Variants in VPS26C observed in about 807,000 individuals in gnomAD.
VPS26C encodes vacuolar protein sorting-associated protein 26C.
Under a neutral mutation model 30.6 loss-of-function variants are expected in VPS26C, and 19 were observed. The ratio of observed to expected loss-of-function variants is 0.62; its 90% CI spans 0.43 to 0.91. The LOEUF is 0.91. Ranked by LOEUF, VPS26C falls within the 40% of genes least tolerant of loss-of-function variation. The pLI is 0.00. For missense variants in VPS26C, 318 were observed against 385.1 expected (o/e 0.83, Z 1.46); for synonymous variants, 132 against 151.5 (o/e 0.87, Z 0.95).
chr21:37,238,348 A>G (rs920132498), intron 3 of VPS26C, 112 bp downstream of exon 3: 2 of 1,267,326 alleles, frequency 1.6e-6, no homozygotes, highest in African/African-American at 3.0e-5. Context: ...GGTCTCAGCA[A>G]TAAACACAGT....
chr21:37,256,815 T>G (rs1453031813), intron 1 of VPS26C, among the ~76,000 whole-genome samples: 1 of 152,240 alleles, frequency 6.6e-6, no homozygotes, highest in African/African-American at 2.4e-5. Flanking sequence ...TATGACATAC[T>G]TTTTTCTTTT....
At chr21:37,268,096 C>G (rs1602296499), upstream of VPS26C, 1 of 152,292 alleles carries the variant, frequency 6.6e-6, no homozygotes, top group African/African-American at 2.4e-5. Flanking sequence ...GGGTCACCCG[C>G]CAGCCGGGCT....
intron 1 of VPS26C, among the ~76,000 whole-genome samples, chr21:37,251,702 A>AT (rs1306897660): frequency 6.6e-6 from 1 of 152,160 alleles, no homozygotes; most frequent in Non-Finnish European, 1.5e-5. Context: ...TTGATTACCT[A>AT]TTATAATGAA....
chr21:37,238,006 A>G lies in VPS26C; in HGVS notation c.351+454T>C, dbSNP rs73903511. On this transcript the variant is annotated intron_variant, in intron 3 of 7. Coordinates refer to ENST00000309117, the MANE Select transcript of VPS26C (RefSeq NM_006052.2). ...CCCTTAACCAGCAGAGGTAGACAGGAAGTCATAATCCACTTCCCCTCATTG... is the reference window on the plus strand; with the variant it reads ...CCCTTAACCAGCAGAGGTAGACAGGGAGTCATAATCCACTTCCCCTCATTG... Among the ~76,000 whole-genome samples the G allele has an allele frequency of 6.6e-3, 1,006 of 152,322 alleles. 9 individuals are homozygous for G. Among genetic ancestry groups the G allele is most frequent in the African/African-American group, 0.023 (937 of 41,564 alleles).
chr21:37,243,776 T>A (rs2033569170), intron 1 of VPS26C, among the ~76,000 whole-genome samples: 1 of 152,068 alleles, frequency 6.6e-6, no homozygotes, highest in Non-Finnish European at 1.5e-5. Context: ...CAATCGCCCA[T>A]CAATGCCATT....
chr21:37,238,247 C>T lies in VPS26C; in HGVS notation c.351+213G>A, dbSNP rs1478718597. On this transcript the variant is annotated intron_variant, in intron 3 of 7. Transcript: ENST00000309117. Reference sequence around the variant, plus strand: ...AACAGAGGGAAAAGAAGTTACAGCACGAGTGCCTTGAGGCTCCCATCAGAA... The same window carrying T: ...AACAGAGGGAAAAGAAGTTACAGCATGAGTGCCTTGAGGCTCCCATCAGAA... The T allele has an allele frequency of 3.5e-5, 19 of 548,552 alleles. No individual in the cohort carries two copies. In the Admixed American group the frequency reaches 4.8e-4, roughly 14 times the overall value. The allele number at this position is 548,552 out of a possible 1,614,324, so 34.0% of individuals were successfully genotyped here.
intron 2 of VPS26C, among the ~76,000 whole-genome samples, chr21:37,239,658 C>T (rs547928320): frequency 6.7e-6 from 1 of 149,402 alleles, no homozygotes; most frequent in Non-Finnish European, 1.5e-5. Context: ...AACTAGAGTG[C>T]AATGGCGCCA....
At chr21:37,235,611 A>G (rs1451328459) in intron 3 of VPS26C, among the ~76,000 whole-genome samples, 2 of 152,162 alleles carry the variant, frequency 1.3e-5, no homozygotes, top group Non-Finnish European at 2.9e-5. Context: ...CAAACCTAAT[A>G]AAACTTGCCT....
At position 37,225,462 on chromosome 21, in the gene VPS26C, G is replaced by T; in HGVS notation, c.*82C>A. On this transcript the variant is annotated 3_prime_UTR_variant, in exon 8 of 8. Coordinates refer to ENST00000309117, the MANE Select transcript of VPS26C (RefSeq NM_006052.2). ...ATCACAAAAACAAGTATATGCCGCTGGCTGTAGCTCCCCTTAGGATTTGGA... is the reference window on the plus strand; with the variant it reads ...ATCACAAAAACAAGTATATGCCGCTTGCTGTAGCTCCCCTTAGGATTTGGA... The T allele has an allele frequency of 8.6e-7, 1 of 1,168,996 alleles. No individual in the cohort carries two copies. The highest frequency in any genetic ancestry group is 1.3e-6 in the Non-Finnish European group (1 of 778,126). 72.4% of individuals were successfully genotyped at this position (1,168,996 alleles called of 1,614,324 possible).
Position 37,227,798 on chromosome 21 carries a change from C to T in VPS26C, c.667G>A (p.Glu223Lys). The T allele has an allele frequency of 1.2e-6, 2 of 1,613,926 alleles. No individual in the cohort carries two copies. Among genetic ancestry groups the T allele is most frequent in the Non-Finnish European group, 1.7e-6 (2 of 1,180,022 alleles). ...LVRVETCGCAEGYARDATEIQ... is the reference protein window; with the variant it reads ...LVRVETCGCAKGYARDATEIQ... ...TCCGTGGCGTCGCGGGCATAGCCTT[C>T]TGCACACCCTGCGGGAGGGAGGCCA... Residue 223 changes from glutamate to lysine, a missense_variant, in exon 7 of 8, where the codon GAA becomes AAA. By Grantham distance (56) the Glu-to-Lys change is moderately conservative. Coordinates refer to ENST00000309117, the MANE Select transcript of VPS26C (RefSeq NM_006052.2).
At chr21:37,266,005 C>A (rs2086357267) in intron 1 of VPS26C, among the ~76,000 whole-genome samples, 1 of 150,278 alleles carries the variant, frequency 6.7e-6, no homozygotes, top group African/African-American at 2.5e-5. Flanking sequence ...GCAGCCTCCG[C>A]CTCCCGGGTT....
At chr21:37,259,717 G>T (rs751950185) in intron 1 of VPS26C, among the ~76,000 whole-genome samples, 2 of 152,074 alleles carry the variant, frequency 1.3e-5, no homozygotes, top group Non-Finnish European at 2.9e-5. Context: ...CAAAATCGCC[G>T]TCACCTCCGT....
intron 1 of VPS26C, among the ~76,000 whole-genome samples, chr21:37,255,851 A>ACTTTTTTTTTTTTTTTTTTTT (rs2086236806): frequency 9.2e-6 from 1 of 108,514 alleles, no homozygotes; most frequent in Admixed American, 1.0e-4. Flanking sequence ...TATGCACTGC[A>ACTTTTTTTTTTTTTTTTTTTT]TTTTTTTTTT....
rs2086256988 is a variant in VPS26C at position 37,257,589 on chromosome 21, G to C, written c.57+9649C>G. ...GATGAAAAAAGGAACGCGTGAAATGGGGAGTGTTAGGGCGTCACAAACTCC... is the reference window on the plus strand; with the variant it reads ...GATGAAAAAAGGAACGCGTGAAATGCGGAGTGTTAGGGCGTCACAAACTCC... On this transcript the variant is annotated intron_variant, in intron 1 of 7. Coordinates refer to ENST00000309117, the MANE Select transcript of VPS26C (RefSeq NM_006052.2). The surrounding 1 kb of genome is among the most constrained non-coding windows in gnomAD (Gnocchi z 4.2). Among the ~76,000 whole-genome samples, 2 of 152,192 alleles carry C rather than the reference G, an allele frequency of 1.3e-5. No homozygotes were observed. Among genetic ancestry groups the C allele is most frequent in the African/African-American group, 4.8e-5 (2 of 41,442 alleles).
chr21:37,225,655 GCTCA>G, intron 7 of VPS26C, 29 bp from the exon 8 acceptor site: 12 of 1,588,000 alleles, frequency 7.6e-6, no homozygotes, highest in South Asian at 3.3e-5. Context: ...GTGGGTTTGT[GCTCA>G]CTGTTACCAA....
At chr21:37,242,529 T>C (rs1206776892) in intron 1 of VPS26C, among the ~76,000 whole-genome samples, 1 of 152,100 alleles carries the variant, frequency 6.6e-6, no homozygotes, top group African/African-American at 2.4e-5. Flanking sequence ...AAGGCTACAG[T>C]GAGCCATGAA....
intron 1 of VPS26C, among the ~76,000 whole-genome samples, chr21:37,246,504 A>G (rs1316096607): frequency 6.6e-6 from 1 of 152,220 alleles, no homozygotes; most frequent in African/African-American, 2.4e-5. Flanking sequence ...ATAGTAAACT[A>G]TAGCTATCCA....
intron 1 of VPS26C, among the ~76,000 whole-genome samples, chr21:37,265,910 CTTTTTTTTTTTT>C (rs59649054): frequency 7.8e-5 from 6 of 77,224 alleles, no homozygotes; most frequent in African/African-American, 3.3e-4. Flanking sequence ...AGCTTTTTCT[CTTTTTTTTTTTT>C]TTTTTTTTTT....
intron 1 of VPS26C, among the ~76,000 whole-genome samples, chr21:37,259,865 T>C (rs1367341292): frequency 6.6e-6 from 1 of 152,144 alleles, no homozygotes; most frequent in Non-Finnish European, 1.5e-5. Context: ...CATTGTGGCA[T>C]ACAAAGGGCA....
Sources: gnomAD v4.1 joint callset for allele counts (sites outside exome capture counted in the v4.1 genomes callset) on GRCh38, gnomAD v4.1.1 for gene constraint, Gnocchi (gnomAD v3.1) non-coding constraint, MANE v1.5 for transcripts, NCBI Gene and HGNC (gene_info 2026-07-23, HGNC 2026-07-21) for gene names.